Variants in GOLGA4 observed in about 807,000 individuals in gnomAD.
The protein encoded by GOLGA4 is golgin A4.
GOLGA4 carries 169 observed loss-of-function variants against 265.9 expected under a neutral mutation model. The observed-to-expected ratio is 0.64, with a 90% CI of 0.56 to 0.72. GOLGA4 has a LOEUF of 0.72. GOLGA4 is among the 30% of genes least tolerant of loss of function. The pLI is 0.00. For synonymous variants in GOLGA4, 923 were observed against 855.8 expected (o/e 1.08, Z -1.37); for missense variants, 2,482 against 2,483.4 (o/e 1.00, Z 0.01).
chr3:37,340,037 A>C (rs188114041), intron 19 of GOLGA4, 87 bp from the exon 20 acceptor site: 1 of 622,896 alleles, frequency 1.6e-6, no homozygotes, highest in East Asian at 3.0e-5. Context: ...TCAGCATTAA[A>C]AAACCTTGTG....
At chr3:37,297,458 T>G (rs574076421) in intron 7 of GOLGA4, among the ~76,000 whole-genome samples, 5 of 152,242 alleles carry the variant, frequency 3.3e-5, no homozygotes, top group Admixed American at 6.5e-5. Context: ...CCGTACTTTA[T>G]TAATCCTTTT....
chr3:37,321,406 G>A (rs972588067), intron 12 of GOLGA4, among the ~76,000 whole-genome samples: 10 of 152,304 alleles, frequency 6.6e-5, no homozygotes, highest in African/African-American at 1.7e-4. Flanking sequence ...ATCAAACTCT[G>A]GAGTGTAGAG....
At chr3:37,338,355 G>T (rs373139590) in intron 19 of GOLGA4, among the ~76,000 whole-genome samples, 11 of 152,216 alleles carry the variant, frequency 7.2e-5, no homozygotes, top group African/African-American at 2.6e-4. Flanking sequence ...TGATGGATGG[G>T]TATATGAGCA....
rs1427403673 is a variant in GOLGA4, at chr3:37,335,031, TC to T, written c.6193-21del. ...CTTCTTTTTTTTCTTTTCCTTTTTT[TC>T]TTTTTTTTTAAATCCTAAAGGCTCG... On this transcript the variant is annotated intron_variant, in intron 16 of 23. Coordinates refer to ENST00000361924, the MANE Select transcript of GOLGA4 (RefSeq NM_002078.5). 9.9e-6 allele frequency: 14 copies of T among 1,411,648 alleles called. 1 individual carries two copies. In the Middle Eastern group the frequency reaches 1.5e-3, roughly 149 times the overall value. 87.4% of individuals were successfully genotyped at this position (1,411,648 alleles called of 1,614,324 possible).
intron 1 of GOLGA4, among the ~76,000 whole-genome samples, chr3:37,247,787 G>A (rs1164393226): frequency 6.6e-6 from 1 of 152,108 alleles, no homozygotes; most frequent in Non-Finnish European, 1.5e-5. Context: ...GTCCTTTCTG[G>A]TTATAGGACT....
At position 37,366,059 on chromosome 3, in the gene GOLGA4, CT is replaced by C; in HGVS notation, c.*34-17del. 6.6e-7 allele frequency: 1 copy of C among 1,526,584 alleles called. No homozygotes were observed. Among genetic ancestry groups the C allele is most frequent in the Admixed American group, 2.0e-5 (1 of 49,368 alleles). The allele number at this position is 1,526,584 out of a possible 1,614,324, so 94.6% of individuals were successfully genotyped here. Reference sequence around the variant, plus strand: ...TTTTTTTGCCCCCTTTCTTTATTCTCTTTTCCTTTTTCTTTTCCAGTCATGG... The same window carrying C: ...TTTTTTTGCCCCCTTTCTTTATTCTCTTTCCTTTTTCTTTTCCAGTCATGG... On this transcript the variant is annotated intron_variant, in intron 23 of 23. Coordinates refer to ENST00000361924, the MANE Select transcript of GOLGA4 (RefSeq NM_002078.5).
At chr3:37,343,132 TG>T (rs1331530867) in intron 20 of GOLGA4, among the ~76,000 whole-genome samples, 4 of 152,024 alleles carry the variant, frequency 2.6e-5, no homozygotes, top group African/African-American at 9.7e-5. Context: ...TTTGTTTGTT[TG>T]TTTTCAAGAC....
chr3:37,332,346 G>C (rs1222332732), intron 16 of GOLGA4, among the ~76,000 whole-genome samples: 1 of 152,136 alleles, frequency 6.6e-6, no homozygotes, highest in Admixed American at 6.5e-5. Context: ...GGCAGCGGGG[G>C]TGGTGTGGTG....
intron 10 of GOLGA4, among the ~76,000 whole-genome samples, chr3:37,304,134 T>C (rs1451699959): frequency 1.3e-5 from 2 of 152,182 alleles, no homozygotes; most frequent in Non-Finnish European, 2.9e-5. Flanking sequence ...GGATAGTTTT[T>C]TGGGGGAATA....
intron 21 of GOLGA4, among the ~76,000 whole-genome samples, chr3:37,347,588 T>A (rs1208582772): frequency 6.6e-6 from 1 of 152,156 alleles, no homozygotes; most frequent in Non-Finnish European, 1.5e-5. Flanking sequence ...GTGGCTTTTT[T>A]TCTTCTTCAT....
intron 10 of GOLGA4, among the ~76,000 whole-genome samples, chr3:37,307,716 TAAC>T (rs912930721): frequency 6.6e-6 from 1 of 152,192 alleles, no homozygotes; most frequent in African/African-American, 2.4e-5. Flanking sequence ...ACTAAATGAA[TAAC>T]TGCTGGAAAA....
chr3:37,243,340 T>G lies in GOLGA4; in HGVS notation c.-211T>G, dbSNP rs879204492. ...TGGATGGGGGGCCGAGGCCAGCCAG[T>G]GGCACCCGGAAGAAAGAGACGCGGC... On this transcript the variant is annotated 5_prime_UTR_variant, in exon 1 of 24. Coordinates refer to ENST00000361924, the MANE Select transcript of GOLGA4 (RefSeq NM_002078.5). The G allele has an allele frequency of 1.7e-6, 1 of 575,890 alleles. No homozygotes were observed. The highest frequency in any genetic ancestry group is 2.2e-5 in the South Asian group (1 of 45,176). The allele number at this position is 575,890 out of a possible 1,614,324, so 35.7% of individuals were successfully genotyped here.
intron 2 of GOLGA4, among the ~76,000 whole-genome samples, chr3:37,252,397 T>C (rs1042595704): frequency 6.6e-6 from 1 of 152,050 alleles, no homozygotes; most frequent in Non-Finnish European, 1.5e-5. Context: ...ATTTGGGTTG[T>C]CTACAGGTTT....
At chr3:37,258,794 G>T (rs569134422) in intron 2 of GOLGA4, among the ~76,000 whole-genome samples, 120 of 152,146 alleles carry the variant, frequency 7.9e-4, no homozygotes, top group Non-Finnish European at 1.4e-3. Context: ...GTATTAATTG[G>T]TTTTCAGAGG....
At chr3:37,258,662 A>T (rs2096761151) in intron 2 of GOLGA4, among the ~76,000 whole-genome samples, 1 of 152,080 alleles carries the variant, frequency 6.6e-6, no homozygotes, top group Non-Finnish European at 1.5e-5. Context: ...CATTTTAGAG[A>T]TTTATTTTAT....
intron 20 of GOLGA4, among the ~76,000 whole-genome samples, chr3:37,346,015 C>T (rs992796754): frequency 7.3e-5 from 11 of 151,114 alleles, no homozygotes; most frequent in Admixed American, 3.3e-4. Flanking sequence ...AAAAGAGGTG[C>T]GTTTTGTATA....
intron 2 of GOLGA4, among the ~76,000 whole-genome samples, chr3:37,258,053 A>ATG (rs1188561145): frequency 1.9e-5 from 1 of 53,468 alleles, no homozygotes; most frequent in African/African-American, 6.3e-5. Flanking sequence ...ATACATATAT[A>ATG]TATGTATGTA....
chr3:37,282,988 AT>A (rs1488236790), intron 3 of GOLGA4, among the ~76,000 whole-genome samples: 1 of 151,974 alleles, frequency 6.6e-6, no homozygotes, highest in East Asian at 1.9e-4. Flanking sequence ...AGTTGTCCAT[AT>A]TTTTTTGTTT....
Position 37,366,395 on chromosome 3 carries a change from C to A in GOLGA4, c.*349C>A, listed in dbSNP as rs144337023. The A allele has an allele frequency of 6.3e-5, 21 of 335,346 alleles. No homozygotes were observed. The highest frequency in any genetic ancestry group is 1.1e-4 in the Non-Finnish European group (21 of 187,146). The allele number at this position is 335,346 out of a possible 1,614,324, so 20.8% of individuals were successfully genotyped here. A position where few individuals can be genotyped will look rare whatever the true frequency, so the allele number is the denominator to read the frequency against. ...CCTTTCATCCATTCTTTTTAAAGAA[C>A]GGCTTACCTTTCCTATTTATTTTTA... is the stretch of plus-strand genomic sequence containing the variant. On this transcript the variant is annotated 3_prime_UTR_variant, in exon 24 of 24. Transcript: ENST00000361924.
Sources: allele counts gnomAD v4.1 joint callset (sites outside exome capture counted in the v4.1 genomes callset), GRCh38; gene constraint gnomAD v4.1.1; transcripts MANE v1.5; gene names NCBI Gene and HGNC (gene_info 2026-07-23, HGNC 2026-07-21).